The following DIAPH2 variants were observed in gnomAD, a reference collection of about 807,000 sequenced individuals.
DIAPH2 encodes protein diaphanous homolog 2.
In DIAPH2, 35 loss-of-function variants were observed where a neutral mutation model predicts 92.7. The observed-to-expected ratio is 0.38, with a 90% CI of 0.29 to 0.50. DIAPH2 has a LOEUF of 0.50. Ranked by LOEUF, DIAPH2 falls within the 20% of genes least tolerant of loss-of-function variation. The pLI, the probability that DIAPH2 is intolerant of heterozygous loss-of-function variation, is 0.94. For missense variants in DIAPH2, 701 were observed against 819.5 expected, an observed-to-expected ratio of 0.86 and a Z score of 1.77; for synonymous variants, 301 against 280.4, an observed-to-expected ratio of 1.07 and a Z score of -0.73.
intron 5 of DIAPH2, among the ~76,000 whole-genome samples, chrX:96,906,173 TAA>T (rs2065432968): frequency 8.9e-6 from 1 of 112,241 alleles, no homozygotes; most frequent in South Asian, 3.7e-4. Flanking sequence ...ATTTAAATTA[TAA>T]AGTCTGGCCT....
intron 1 of DIAPH2, among the ~76,000 whole-genome samples, chrX:96,703,069 C>T (rs187750006): frequency 6.3e-4 from 70 of 111,668 alleles, no homozygotes; most frequent in Non-Finnish European, 1.1e-3. Context: ...GAAGTTAGGG[C>T]ATGTTTGAGG....
rs750566563 is a variant in DIAPH2, at chrX:97,558,077, T to G, written c.3242-41176T>G. ...TTTTATTTATTCAACAAATATATAT[T>G]ACTTAACATCTACGAACGAGATTAT... On this transcript the variant is annotated intron_variant, in intron 26 of 26. Coordinates refer to ENST00000324765, the MANE Select transcript of DIAPH2 (RefSeq NM_006729.5). Among the ~76,000 whole-genome samples, 7 of 112,521 alleles carry G rather than the reference T, an allele frequency of 6.2e-5. No individual in the cohort carries two copies. The South Asian group carries it at 2.6e-3, about 41-fold the overall frequency.
At chrX:96,799,171 G>A (rs1354065898) in intron 4 of DIAPH2, among the ~76,000 whole-genome samples, 1 of 109,781 alleles carries the variant, frequency 9.1e-6, no homozygotes, top group African/African-American at 3.3e-5. Context: ...TAAGCCTGCA[G>A]TACTCTGCAT....
chrX:97,261,498 G>T (rs775227979), intron 23 of DIAPH2, among the ~76,000 whole-genome samples: 2 of 111,161 alleles, frequency 1.8e-5, no homozygotes, highest in African/African-American at 6.5e-5. Context: ...TAATGTTATC[G>T]GGAATAAGGT....
At chrX:97,230,576 C>T (rs187921334) in intron 22 of DIAPH2, among the ~76,000 whole-genome samples, 78 of 111,909 alleles carry the variant, frequency 7.0e-4, no homozygotes, top group African/African-American at 2.0e-3. Context: ...TGTTTTTAAA[C>T]GGAGTTTGGC....
chrX:96,975,929 G>GA (rs1286723513), intron 17 of DIAPH2, among the ~76,000 whole-genome samples: 4 of 110,851 alleles, frequency 3.6e-5, no homozygotes, highest in Non-Finnish European at 5.7e-5. Flanking sequence ...ATGAATTTAA[G>GA]GGGGACATAA....
At chrX:97,479,712 T>A (rs5967315) in intron 26 of DIAPH2, among the ~76,000 whole-genome samples, 14 of 110,234 alleles carry the variant, frequency 1.3e-4, no homozygotes, top group Non-Finnish European at 2.5e-4. Context: ...CTGTGAAACC[T>A]CAAGGCTGTA....
chrX:97,228,475 G>A, intron 22 of DIAPH2, among the ~76,000 whole-genome samples: 1 of 111,628 alleles, frequency 9.0e-6, no homozygotes, highest in Non-Finnish European at 1.9e-5. Context: ...CGAAAAAAGT[G>A]TTTTGCAACT....
Position 96,758,138 on chromosome X carries a change from A to T in DIAPH2, c.343-16A>T, listed in dbSNP as rs1428261176. ...GGAAATTTATCAATGCCCACAGTAAATGTTATCTCTTACAGGAGGACATGA... is the reference window on the plus strand; with the variant it reads ...GGAAATTTATCAATGCCCACAGTAATTGTTATCTCTTACAGGAGGACATGA... On this transcript the variant is annotated splice_polypyrimidine_tract_variant and intron_variant, in intron 3 of 26. Coordinates refer to ENST00000324765, the MANE Select transcript of DIAPH2 (RefSeq NM_006729.5). 1 of 1,166,182 alleles carries T rather than the reference A, an allele frequency of 8.6e-7. No individual in the cohort carries two copies. The highest frequency in any genetic ancestry group is 1.1e-6 in the Non-Finnish European group (1 of 873,383).
intron 4 of DIAPH2, among the ~76,000 whole-genome samples, chrX:96,788,862 T>C (rs1414034804): frequency 1.8e-5 from 2 of 112,071 alleles, no homozygotes; most frequent in Non-Finnish European, 3.8e-5. Flanking sequence ...CCCTCCCAAC[T>C]CTCCCATTAG....
At chrX:97,288,777 C>T (rs928335864) in intron 23 of DIAPH2, among the ~76,000 whole-genome samples, 1 of 109,268 alleles carries the variant, frequency 9.2e-6, no homozygotes, top group African/African-American at 3.3e-5. Context: ...ACTCTAAGAG[C>T]ACTTTCTCAT....
intron 5 of DIAPH2, among the ~76,000 whole-genome samples, chrX:96,897,890 A>C (rs1251939680): frequency 5.0e-5 from 3 of 59,485 alleles, no homozygotes; most frequent in Admixed American, 4.6e-4. Flanking sequence ...CCCACCCCAC[A>C]ACAGTCCCCA....
At chrX:97,044,358 T>C (rs768493234) in intron 17 of DIAPH2, among the ~76,000 whole-genome samples, 2 of 111,115 alleles carry the variant, frequency 1.8e-5, no homozygotes, top group East Asian at 5.7e-4. Flanking sequence ...TTCTTCAACT[T>C]CTTTCATGCC....
chrX:97,228,121 G>C (rs964177988), intron 22 of DIAPH2, among the ~76,000 whole-genome samples: 1 of 111,222 alleles, frequency 9.0e-6, no homozygotes, highest in African/African-American at 3.3e-5. Flanking sequence ...GGCTGGTCTC[G>C]AGTTTGTGGG....
chrX:97,109,141 C>G (rs1484005495), intron 20 of DIAPH2, among the ~76,000 whole-genome samples: 2 of 111,402 alleles, frequency 1.8e-5, no homozygotes, highest in Non-Finnish European at 3.8e-5. Context: ...AAGTGAGGCC[C>G]AGTGAGGTCA....
At chrX:97,434,664 C>T (rs764065760) in intron 26 of DIAPH2, among the ~76,000 whole-genome samples, 1 of 110,796 alleles carries the variant, frequency 9.0e-6, no homozygotes, top group East Asian at 2.8e-4. Flanking sequence ...CCCGCCTTGG[C>T]CTCCCAAAGT....
chrX:97,275,451 G>A (rs1370644148), intron 23 of DIAPH2, among the ~76,000 whole-genome samples: 1 of 105,042 alleles, frequency 9.5e-6, no homozygotes, highest in Admixed American at 1.0e-4. Flanking sequence ...CGGGGCGGCT[G>A]CCGGGCGGAG....
intron 23 of DIAPH2, among the ~76,000 whole-genome samples, chrX:97,292,614 T>A (rs771988336): frequency 9.3e-6 from 1 of 107,039 alleles, no homozygotes; most frequent in Non-Finnish European, 1.9e-5. Flanking sequence ...TGGGGCGATC[T>A]TGGCTCACTG....
At chrX:97,094,629 T>A (rs1260180590) in intron 19 of DIAPH2, among the ~76,000 whole-genome samples, 2 of 112,362 alleles carry the variant, frequency 1.8e-5, no homozygotes, top group Non-Finnish European at 3.8e-5. Context: ...TTAGGAATTT[T>A]ATATCAAAAG....
Sources: gnomAD v4.1 joint callset for allele counts (sites outside exome capture counted in the v4.1 genomes callset) on GRCh38, gnomAD v4.1.1 for gene constraint, MANE v1.5 for transcripts, NCBI Gene and HGNC (gene_info 2026-07-23, HGNC 2026-07-21) for gene names.